TBCK: variants seen among roughly 807,000 people sequenced by gnomAD.
TBCK encodes TBC1 domain containing kinase, also known as TBC domain-containing protein kinase-like protein.
A neutral mutation model predicts 113.4 loss-of-function variants in TBCK; 99 were observed. That is an observed-to-expected ratio of 0.87 (90% CI 0.74 to 1.03). The LOEUF (loss-of-function observed/expected upper bound fraction) is 1.03. Ranked by LOEUF, TBCK falls within the 50% of genes least tolerant of loss-of-function variation. TBCK has a pLI of 0.00. For synonymous variants in TBCK, 369 were observed against 370.8 expected (o/e 1.00, Z 0.05); for missense variants, 1,045 against 1,061.3 (o/e 0.98, Z 0.21).
intron 22 of TBCK, among the ~76,000 whole-genome samples, chr4:106,176,593 T>C (rs1751695493): frequency 6.6e-6 from 1 of 152,202 alleles, no homozygotes; most frequent in Non-Finnish European, 1.5e-5. Flanking sequence ...GATAGACACT[T>C]AAGTTGATTC....
intron 25 of TBCK, among the ~76,000 whole-genome samples, chr4:106,081,976 G>C (rs1738923863): frequency 6.6e-6 from 1 of 152,196 alleles, no homozygotes. Flanking sequence ...AGGTTGCATA[G>C]AAAAGGGAGC....
chr4:106,182,479 C>T (rs898500008), intron 22 of TBCK: 7 of 152,032 alleles, frequency 4.6e-5, no homozygotes, highest in Non-Finnish European at 8.8e-5. Context: ...AGTTTTTGCC[C>T]GTTCAGTATG....
chr4:106,177,519 A>G (rs567551424), intron 22 of TBCK, among the ~76,000 whole-genome samples: 3 of 151,968 alleles, frequency 2.0e-5, no homozygotes, highest in Non-Finnish European at 4.4e-5. Context: ...GGTGAGAGAC[A>G]GGGGTCTAGT....
At chr4:106,282,326 CTTCT>C (rs1356220983) in intron 3 of TBCK, among the ~76,000 whole-genome samples, 6 of 151,728 alleles carry the variant, frequency 4.0e-5, no homozygotes, top group South Asian at 4.2e-4. Context: ...GTTTGTAAAT[CTTCT>C]TTATCTTTTT....
intron 19 of TBCK, among the ~76,000 whole-genome samples, chr4:106,223,060 TC>T (rs1481972599): frequency 6.6e-6 from 1 of 152,096 alleles, no homozygotes; most frequent in African/African-American, 2.4e-5. Context: ...AGGAAAAATC[TC>T]CTCAGTCACA....
rs1753899198 is a variant in TBCK at position 106,193,648 on chromosome 4, C to T, written c.2020G>A (p.Gly674Ser). ...AAGAGAAGAATACACTCATTAAAGC[C>T]ATTAGCCAAAAGCCGGTCCCGCAGC... ...QQLRDRLLAN[G>S]FNECILLFSD... The change falls in exon 22 of 26, where the codon GGC becomes AGC. Residue 674 changes from glycine (G) to serine (S), a missense_variant. By Grantham distance (56) the Gly-to-Ser change is moderately conservative (BLOSUM62 0). Coordinates refer to ENST00000394708, the MANE Select transcript of TBCK (RefSeq NM_001163435.3). 1 of 1,613,532 alleles carries T rather than the reference C, an allele frequency of 6.2e-7. No individual in the cohort carries two copies. Among genetic ancestry groups the T allele is most frequent in the Non-Finnish European group, 8.5e-7 (1 of 1,179,644 alleles).
chr4:106,086,083 G>C (rs887919236), intron 25 of TBCK, among the ~76,000 whole-genome samples: 12 of 151,408 alleles, frequency 7.9e-5, no homozygotes, highest in Non-Finnish European at 1.6e-4. Flanking sequence ...CAGAAGACAA[G>C]AAATAACTAA....
chr4:106,285,997 T>C (rs938709933), intron 3 of TBCK, among the ~76,000 whole-genome samples: 2 of 152,224 alleles, frequency 1.3e-5, no homozygotes, highest in South Asian at 4.1e-4. Context: ...GCAAAATTAA[T>C]TTAGATGGAT....
chr4:106,310,493 G>A (rs2125900196), intron 1 of TBCK: 1 of 152,164 alleles, frequency 6.6e-6, no homozygotes, highest in African/African-American at 2.4e-5. Context: ...CCACAACATT[G>A]GCAGTTATTT....
At chr4:106,104,419 A>G (rs28784652) in intron 24 of TBCK, among the ~76,000 whole-genome samples, 60,312 of 152,042 alleles carry the variant, frequency 0.4, 12,238 homozygotes, top group South Asian at 0.47. Context: ...GCTGACTCAG[A>G]GCAGAAGGAA....
At chr4:106,253,321 A>C (rs1761630163) in intron 5 of TBCK, among the ~76,000 whole-genome samples, 1 of 152,162 alleles carries the variant, frequency 6.6e-6, no homozygotes, top group Non-Finnish European at 1.5e-5. Context: ...TCTTATTTCT[A>C]TTATATGAAC....
At position 106,266,152 on chromosome 4, in the gene TBCK, G is replaced by T. The variant is rs1282522205; in HGVS notation, c.267-3940C>A. 2.0e-5 allele frequency among the ~76,000 whole-genome samples: 3 copies of T among 151,594 alleles called. No homozygotes were observed. In the East Asian group the frequency reaches 5.8e-4, roughly 29 times the overall value. Reference sequence around the variant, plus strand: ...ACTTATCAATAGTTATAGAGGCAAAGATTTTATGTAAAAGCACAATTACAT... The same window carrying T: ...ACTTATCAATAGTTATAGAGGCAAATATTTTATGTAAAAGCACAATTACAT... On this transcript the variant is annotated intron_variant, in intron 3 of 25. Coordinates refer to ENST00000394708, the MANE Select transcript of TBCK (RefSeq NM_001163435.3).
At position 106,046,800 on chromosome 4, in the gene TBCK, T is replaced by C. The variant is rs937801157; in HGVS notation, c.2572-120A>G. The C allele has an allele frequency of 1.9e-5, 10 of 533,614 alleles. No homozygotes were observed. In the African/African-American group the frequency reaches 1.9e-4, roughly 10 times the overall value. The allele number at this position is 533,614 out of a possible 1,614,324, so 33.1% of individuals were successfully genotyped here. On this transcript the variant is annotated intron_variant, in intron 25 of 25. Coordinates refer to ENST00000394708, the MANE Select transcript of TBCK (RefSeq NM_001163435.3). ...AATGTTATGATTGCTGCCACCACTG[T>C]ATAATAAGTTGTCAACTTGGTTATT...
At chr4:106,218,283 C>A (rs1233288184) in intron 19 of TBCK, among the ~76,000 whole-genome samples, 2 of 150,718 alleles carry the variant, frequency 1.3e-5, no homozygotes, top group African/African-American at 4.9e-5. Context: ...AAAACCTAGG[C>A]AATACCATTC....
At chr4:106,306,766 C>CAG (rs1307836813) in intron 2 of TBCK, among the ~76,000 whole-genome samples, 1 of 152,180 alleles carries the variant, frequency 6.6e-6, no homozygotes, top group Non-Finnish European at 1.5e-5. Flanking sequence ...TTGTTCCCTA[C>CAG]AGAGAGAGAC....
chr4:106,262,817 T>TC (rs1240914750), intron 3 of TBCK, among the ~76,000 whole-genome samples: 1 of 151,862 alleles, frequency 6.6e-6, no homozygotes, highest in Non-Finnish European at 1.5e-5. Flanking sequence ...ACCAACCATC[T>TC]CCCTAATTTT....
chr4:106,083,185 C>T (rs1427827860), intron 25 of TBCK, among the ~76,000 whole-genome samples: 1 of 152,228 alleles, frequency 6.6e-6, no homozygotes, highest in Non-Finnish European at 1.5e-5. Flanking sequence ...ACACTCTAAG[C>T]TCCCTGGGCA....
chr4:106,192,929 A>C (rs1011334676), intron 22 of TBCK, among the ~76,000 whole-genome samples: 1 of 152,116 alleles, frequency 6.6e-6, no homozygotes, highest in Non-Finnish European at 1.5e-5. Flanking sequence ...TTTTCACCTA[A>C]AAAAACTGAA....
chr4:106,068,740 G>A (rs901117497), intron 25 of TBCK, among the ~76,000 whole-genome samples: 2 of 152,140 alleles, frequency 1.3e-5, no homozygotes, highest in African/African-American at 4.8e-5. Flanking sequence ...TTCCACAATG[G>A]TTGAACTAGT....
Sources: gnomAD v4.1 joint callset for allele counts (sites outside exome capture counted in the v4.1 genomes callset) on GRCh38, gnomAD v4.1.1 for gene constraint, MANE v1.5 for transcripts, NCBI Gene and HGNC (gene_info 2026-07-23, HGNC 2026-07-21) for gene names.